Variants in SUPT3H observed in about 807,000 individuals in gnomAD.
The protein encoded by SUPT3H is transcription initiation protein SPT3 homolog.
Under a neutral mutation model 44.3 loss-of-function variants are expected in SUPT3H, and 44 were observed. That is an observed-to-expected ratio of 0.99 (90% CI 0.78 to 1.28). The LOEUF is 1.28. Among genes scored for constraint, SUPT3H ranks in the 50% most tolerant of loss-of-function variants. SUPT3H has a pLI of 0.00. For synonymous variants in SUPT3H, 124 were observed against 125.6 expected, an observed-to-expected ratio of 0.99 and a Z score of 0.09; for missense variants, 380 against 387.1, an observed-to-expected ratio of 0.98 and a Z score of 0.15.
intron 7 of SUPT3H, among the ~76,000 whole-genome samples, chr6:44,956,501 AATAAAAAAAAAAAAG>A (rs1775238375): frequency 2.0e-4 from 2 of 9,822 alleles, no homozygotes; most frequent in African/African-American, 4.1e-4. Flanking sequence ...AAAAAATAAA[AATAAAAAAAAAAAAG>A]TGTCTATTAC....
chr6:44,829,611 A>C lies in SUPT3H; in HGVS notation c.*205T>G. The C allele has an allele frequency of 1.8e-6, 1 of 561,572 alleles. No homozygotes were observed. Among genetic ancestry groups the C allele is most frequent in the Non-Finnish European group, 3.2e-6 (1 of 312,632 alleles). 34.8% of individuals were successfully genotyped at this position (561,572 alleles called of 1,614,324 possible). ...AGACTATCCTAAACATCCTGCCATT[A>C]ATTAGCTGAACAGCCCATCTAGTAA... On this transcript the variant is annotated 3_prime_UTR_variant, in exon 11 of 11. Transcript: ENST00000371459.
chr6:44,904,520 G>A (rs991116296), intron 10 of SUPT3H, among the ~76,000 whole-genome samples: 2 of 152,010 alleles, frequency 1.3e-5, no homozygotes, highest in African/African-American at 4.8e-5. Flanking sequence ...AAATAAAAGA[G>A]GACACAAACA....
intron 11 of SUPT3H, among the ~76,000 whole-genome samples, chr6:44,815,107 T>C (rs567651862): frequency 7.8e-4 from 119 of 152,330 alleles, no homozygotes; most frequent in African/African-American, 2.7e-3. Flanking sequence ...CATGTGTGTA[T>C]TAAAATGTCA....
chr6:45,238,661 T>G (rs1362537653), intron 2 of SUPT3H, among the ~76,000 whole-genome samples: 2 of 152,222 alleles, frequency 1.3e-5, no homozygotes, highest in Non-Finnish European at 2.9e-5. Context: ...CAGGACTTAG[T>G]AGAATGGCTT....
chr6:45,088,005 T>C (rs1265172813), intron 3 of SUPT3H, among the ~76,000 whole-genome samples: 1 of 152,070 alleles, frequency 6.6e-6, no homozygotes, highest in East Asian at 1.9e-4. Flanking sequence ...ATTTCAATGA[T>C]AGTTAAGTTC....
At chr6:45,169,991 G>T (rs186470187) in intron 2 of SUPT3H, among the ~76,000 whole-genome samples, 3 of 152,246 alleles carry the variant, frequency 2.0e-5, no homozygotes, top group East Asian at 3.9e-4. Context: ...ACAGCCCCAG[G>T]GGGTGGGAAT....
intron 2 of SUPT3H, among the ~76,000 whole-genome samples, chr6:45,137,844 A>G (rs910218507): frequency 3.3e-5 from 5 of 152,020 alleles, no homozygotes; most frequent in African/African-American, 4.8e-5. Context: ...AGCACCTGCA[A>G]TAAGTGACAA....
intron 2 of SUPT3H, among the ~76,000 whole-genome samples, chr6:45,361,035 G>A (rs1244581309): frequency 2.0e-5 from 3 of 152,208 alleles, no homozygotes; most frequent in African/African-American, 7.2e-5. Context: ...CTACTCAGGA[G>A]ATGGGGGCAG....
In SUPT3H at chr6:45,377,672, G is replaced by A. The variant is rs997634914; in HGVS notation, c.-1+96C>T. Reference sequence around the variant, plus strand: ...GGGCCAGGGCGTGGCCGGCGCGGGGGCCCAGCGACGCTGGGATCTCCGCTC... The same window carrying A: ...GGGCCAGGGCGTGGCCGGCGCGGGGACCCAGCGACGCTGGGATCTCCGCTC... On this transcript the variant is annotated intron_variant, in intron 1 of 10. Transcript: ENST00000371459. 275 of 152,360 alleles carry A rather than the reference G, an allele frequency of 1.8e-3. 2 individuals are homozygous for A. The highest frequency in any genetic ancestry group is 4.7e-4 in the Non-Finnish European group (32 of 68,116). The allele number at this position is 152,360 out of a possible 1,614,324, so 9.4% of individuals were successfully genotyped here.
intron 2 of SUPT3H, among the ~76,000 whole-genome samples, chr6:45,177,169 G>C (rs1253818334): frequency 6.6e-6 from 1 of 152,008 alleles, no homozygotes; most frequent in East Asian, 1.9e-4. Flanking sequence ...TGAAAACTTT[G>C]AAAAAAATTT....
At position 44,829,635 on chromosome 6, in the gene SUPT3H, A is replaced by C; in HGVS notation, c.*181T>G. On this transcript the variant is annotated 3_prime_UTR_variant, in exon 11 of 11. Transcript: ENST00000371459. Reference sequence around the variant, plus strand: ...TAATTAGCTGAACAGCCCATCTAGTAAACAAGACCGATGGTTGAGGGGCTG... The same window carrying C: ...TAATTAGCTGAACAGCCCATCTAGTCAACAAGACCGATGGTTGAGGGGCTG... 1 of 648,016 alleles carries C rather than the reference A, an allele frequency of 1.5e-6. No individual in the cohort carries two copies. The allele number at this position is 648,016 out of a possible 1,614,324, so 40.1% of individuals were successfully genotyped here.
At chr6:45,214,710 G>A (rs1764739764) in intron 2 of SUPT3H, among the ~76,000 whole-genome samples, 1 of 152,160 alleles carries the variant, frequency 6.6e-6, no homozygotes, top group Middle Eastern at 3.2e-3. Context: ...TTAGCTGAGT[G>A]TGTTGGCACA....
intron 2 of SUPT3H, among the ~76,000 whole-genome samples, chr6:45,156,675 T>A (rs1554265822): frequency 5.9e-5 from 9 of 151,720 alleles, no homozygotes; most frequent in Non-Finnish European, 1.5e-5. Context: ...ATAAATAAGT[T>A]TATGAGTATA....
At chr6:44,902,002 C>T (rs1476362371) in intron 10 of SUPT3H, among the ~76,000 whole-genome samples, 6 of 152,030 alleles carry the variant, frequency 3.9e-5, no homozygotes, top group African/African-American at 1.4e-4. Flanking sequence ...CAGGCCTGCC[C>T]TAAAAGAGCT....
intron 2 of SUPT3H, among the ~76,000 whole-genome samples, chr6:45,141,338 C>CAAAAAAAAAAAAAAAAA (rs1162738855): frequency 1.1e-4 from 5 of 45,284 alleles, no homozygotes; most frequent in African/African-American, 1.1e-4. Flanking sequence ...GACTCCATCT[C>CAAAAAAAAAAAAAAAAA]AAAAAAAAAA....
chr6:45,138,113 A>G (rs1234033322), intron 2 of SUPT3H, among the ~76,000 whole-genome samples: 2 of 152,146 alleles, frequency 1.3e-5, no homozygotes, highest in African/African-American at 2.4e-5. Context: ...GATGCTCAAC[A>G]GTATTAGTCA....
At chr6:44,843,927 G>GCACA (rs56329630) in intron 10 of SUPT3H, among the ~76,000 whole-genome samples, 20 of 148,110 alleles carry the variant, frequency 1.4e-4, no homozygotes, top group African/African-American at 5.0e-4. Context: ...ACACACACAC[G>GCACA]CACACACACA....
chr6:45,171,060 T>C (rs1810686155), intron 2 of SUPT3H, among the ~76,000 whole-genome samples: 3 of 152,206 alleles, frequency 2.0e-5, no homozygotes, highest in Admixed American at 2.0e-4. Context: ...ATATTGGCAG[T>C]GGAATCAAAA....
intron 2 of SUPT3H, among the ~76,000 whole-genome samples, chr6:45,122,072 G>GT (rs1275365659): frequency 2.6e-5 from 4 of 151,712 alleles, no homozygotes; most frequent in Non-Finnish European, 5.9e-5. Flanking sequence ...TGAACAAATT[G>GT]TATTTTCTAC....
Sources: allele counts gnomAD v4.1 joint callset (sites outside exome capture counted in the v4.1 genomes callset), GRCh38; gene constraint gnomAD v4.1.1; transcripts MANE v1.5; gene names NCBI Gene and HGNC (gene_info 2026-07-23, HGNC 2026-07-21).